ITGA2: variants seen among roughly 807,000 people sequenced by gnomAD.
ITGA2 encodes the protein integrin alpha-2.
ITGA2 carries 101 observed loss-of-function variants against 146.3 expected under a neutral mutation model. The ratio of observed to expected loss-of-function variants is 0.69; its 90% CI spans 0.59 to 0.81. The LOEUF (loss-of-function observed/expected upper bound fraction) is 0.81. Ranked by LOEUF, ITGA2 falls within the 40% of genes least tolerant of loss-of-function variation. The pLI is 0.00. For synonymous variants in ITGA2, 477 were observed against 487.1 expected (o/e 0.98, Z 0.27); for missense variants, 1,281 against 1,402.7 (o/e 0.91, Z 1.39).
At chr5:53,036,953 G>A in intron 2 of ITGA2, among the ~76,000 whole-genome samples, 1 of 152,044 alleles carries the variant, frequency 6.6e-6, no homozygotes, top group East Asian at 1.9e-4. Flanking sequence ...TTATAAAATT[G>A]AATAAAACAA....
At chr5:53,080,192 G>C (rs895069717) in intron 24 of ITGA2, among the ~76,000 whole-genome samples, 1 of 152,082 alleles carries the variant, frequency 6.6e-6, no homozygotes, top group Non-Finnish European at 1.5e-5. Context: ...TAGATGTTGA[G>C]TTTTTTTCCA....
At chr5:53,080,108 C>T (rs1422277784) in intron 24 of ITGA2, among the ~76,000 whole-genome samples, 1 of 152,194 alleles carries the variant, frequency 6.6e-6, no homozygotes, top group Non-Finnish European at 1.5e-5. Flanking sequence ...GGCAGCCCAG[C>T]TCCACAGATG....
At chr5:53,077,958 A>C (rs1745737172) in intron 23 of ITGA2, among the ~76,000 whole-genome samples, 1 of 151,952 alleles carries the variant, frequency 6.6e-6, no homozygotes, top group Non-Finnish European at 1.5e-5. Flanking sequence ...TCATCCCCTA[A>C]TCCCCCACGC....
chr5:53,039,437 A>G (rs1478378907), intron 2 of ITGA2, among the ~76,000 whole-genome samples: 1 of 152,122 alleles, frequency 6.6e-6, no homozygotes, highest in Non-Finnish European at 1.5e-5. Context: ...TTTTTTTTAC[A>G]TTTACTTGGA....
chr5:53,077,743 C>A (rs1344811578), intron 23 of ITGA2, among the ~76,000 whole-genome samples: 1 of 151,918 alleles, frequency 6.6e-6, no homozygotes, highest in Non-Finnish European at 1.5e-5. Flanking sequence ...ACATATTTTC[C>A]TTTTAAGGAT....
At chr5:52,994,178 G>A (rs1741108469) in intron 1 of ITGA2, among the ~76,000 whole-genome samples, 1 of 152,156 alleles carries the variant, frequency 6.6e-6, no homozygotes, top group South Asian at 2.1e-4. Flanking sequence ...TTTATGTAAG[G>A]CTGTGTGTTA....
intron 1 of ITGA2, among the ~76,000 whole-genome samples, chr5:52,999,807 T>C (rs573047075): frequency 6.6e-6 from 1 of 152,328 alleles, no homozygotes; most frequent in East Asian, 1.9e-4. Flanking sequence ...AGCAGATATG[T>C]AGGTGTGTTA....
intron 17 of ITGA2, 80 bp from the exon 18 acceptor site, chr5:53,071,858 C>T: frequency 2.1e-6 from 2 of 962,012 alleles, no homozygotes; most frequent in East Asian, 2.5e-5. Flanking sequence ...CATTTGGAAT[C>T]ATTTTCTTGT....
intron 1 of ITGA2, among the ~76,000 whole-genome samples, chr5:52,993,293 C>T (rs1396995387): frequency 6.6e-6 from 1 of 152,168 alleles, no homozygotes; most frequent in Non-Finnish European, 1.5e-5. Flanking sequence ...TATACCTGCC[C>T]AACCTCAGCT....
chr5:53,054,628 A>T (rs919548489), intron 7 of ITGA2, among the ~76,000 whole-genome samples: 2 of 152,164 alleles, frequency 1.3e-5, no homozygotes, highest in African/African-American at 4.8e-5. Flanking sequence ...CAAATAAAAT[A>T]TTATGCAGAC....
rs1745952005 is a variant in ITGA2 at position 53,082,150 on chromosome 5, T to C, written c.3144+454T>C. On this transcript the variant is annotated intron_variant, in intron 26 of 29. Coordinates refer to ENST00000296585, the MANE Select transcript of ITGA2 (RefSeq NM_002203.4). ...TGAAATATGCTGCTGCACTTCTCTG[T>C]TTTTCAATATTTTGTTATTTCCTGT... Among the ~76,000 whole-genome samples, 4 of 152,220 alleles carry C rather than the reference T, an allele frequency of 2.6e-5. No homozygotes were observed. In the South Asian group the frequency reaches 8.3e-4, roughly 31 times the overall value.
chr5:53,052,196 A>G (rs866073553), intron 7 of ITGA2, among the ~76,000 whole-genome samples: 1 of 152,054 alleles, frequency 6.6e-6, no homozygotes, highest in Non-Finnish European at 1.5e-5. Context: ...CCATCAACCC[A>G]TATCTACATT....
Position 53,067,000 on chromosome 5 carries a change from T to C in ITGA2, c.1944-118T>C, listed in dbSNP as rs1306039788. 4.0e-6 allele frequency: 4 copies of C among 1,011,842 alleles called. No individual in the cohort carries two copies. The African/African-American group carries it at 6.4e-5, about 16-fold the overall frequency. 62.7% of individuals were successfully genotyped at this position (1,011,842 alleles called of 1,614,324 possible). On this transcript the variant is annotated intron_variant, in intron 15 of 29. Transcript: ENST00000296585. ...AATATATACTACTGCTAAAGTGCTT[T>C]GATAGAGAGTAGAGAGAAAAATTCA...
chr5:53,020,904 A>G (rs1197328548), intron 1 of ITGA2, among the ~76,000 whole-genome samples: 1 of 145,620 alleles, frequency 6.9e-6, no homozygotes, highest in African/African-American at 2.6e-5. Context: ...TATGTTGGCC[A>G]GGCTGGTCTC....
chr5:52,993,874 A>G (rs1741092628), intron 1 of ITGA2, among the ~76,000 whole-genome samples: 1 of 140,076 alleles, frequency 7.1e-6, no homozygotes, highest in African/African-American at 2.4e-5. Context: ...TTAGCACAGC[A>G]TAAAACAAGA....
In ITGA2 at chr5:53,025,352, A is replaced by C. The variant is rs540369183; in HGVS notation, c.65-1396A>C. ...TATGAAAAATAGATGTTAAGGAGAAAATTTGCAGATGTTAAGCTTTGCAGA... is the reference window on the plus strand; with the variant it reads ...TATGAAAAATAGATGTTAAGGAGAACATTTGCAGATGTTAAGCTTTGCAGA... On this transcript the variant is annotated intron_variant, in intron 1 of 29. Transcript: ENST00000296585. Among the ~76,000 whole-genome samples, 3 of 152,324 alleles carry C rather than the reference A, an allele frequency of 2.0e-5. No homozygotes were observed. The South Asian group carries it at 6.2e-4, about 32-fold the overall frequency.
intron 1 of ITGA2, among the ~76,000 whole-genome samples, chr5:53,001,417 C>A (rs1229133306): frequency 6.6e-6 from 1 of 152,076 alleles, no homozygotes; most frequent in East Asian, 1.9e-4. Flanking sequence ...ACTTACGGTT[C>A]ACATGTCATG....
At chr5:53,075,494 C>T (rs1430981184) in intron 23 of ITGA2, among the ~76,000 whole-genome samples, 190 bp downstream of exon 23, 1 of 151,958 alleles carries the variant, frequency 6.6e-6, no homozygotes, top group Non-Finnish European at 1.5e-5. Flanking sequence ...ACTCGTTAGG[C>T]TTATTAAACC....
intron 19 of ITGA2, 93 bp from the exon 20 acceptor site, chr5:53,073,025 A>C (rs563870483): frequency 7.7e-7 from 1 of 1,296,064 alleles, no homozygotes; most frequent in African/African-American, 1.5e-5. Flanking sequence ...AGTAAGTCTA[A>C]AGAGTTTAGT....
Sources: allele counts gnomAD v4.1 joint callset (sites outside exome capture counted in the v4.1 genomes callset), GRCh38; gene constraint gnomAD v4.1.1; transcripts MANE v1.5; gene names NCBI Gene and HGNC (gene_info 2026-07-23, HGNC 2026-07-21).